THSD7B: variants seen among roughly 807,000 people sequenced by gnomAD.
The protein encoded by THSD7B is thrombospondin type 1 domain containing 7B, also known as thrombospondin type-1 domain-containing protein 7B.
Under a neutral mutation model 213.6 loss-of-function variants are expected in THSD7B, and 138 were observed. The ratio of observed to expected loss-of-function variants is 0.65; its 90% CI spans 0.56 to 0.74. THSD7B has a LOEUF of 0.74. Among genes scored for constraint, THSD7B ranks in the 30% least tolerant of loss-of-function variants. The pLI, the probability that THSD7B is intolerant of heterozygous loss-of-function variation, is 0.00. For missense variants in THSD7B, 1,931 were observed against 1,991.5 expected, an observed-to-expected ratio of 0.97 and a Z score of 0.58; for synonymous variants, 742 against 687.0, an observed-to-expected ratio of 1.08 and a Z score of -1.25.
intron 4 of THSD7B, among the ~76,000 whole-genome samples, chr2:137,108,403 A>G (rs1022663000): frequency 1.3e-5 from 2 of 152,192 alleles, no homozygotes; most frequent in Admixed American, 1.3e-4. Context: ...CTAATTTAGG[A>G]TGCCTCTACT....
chr2:137,280,397 A>T (rs972655568), intron 12 of THSD7B, among the ~76,000 whole-genome samples: 1 of 152,084 alleles, frequency 6.6e-6, no homozygotes, highest in African/African-American at 2.4e-5. Context: ...ATTTGAAAGG[A>T]TATTTTAGGA....
At chr2:137,441,078 C>T (rs189006050) in intron 14 of THSD7B, among the ~76,000 whole-genome samples, 164 of 152,222 alleles carry the variant, frequency 1.1e-3, no homozygotes, top group Admixed American at 2.5e-3. Flanking sequence ...CATGTCACAA[C>T]GAGCTAATTA....
chr2:137,031,236 A>C (rs1387753158), intron 2 of THSD7B, among the ~76,000 whole-genome samples: 2 of 152,088 alleles, frequency 1.3e-5, no homozygotes, highest in Non-Finnish European at 2.9e-5. Flanking sequence ...TCCCAGCTAC[A>C]TGGGAGGCTG....
intron 11 of THSD7B, 78 bp from the exon 12 acceptor site, chr2:137,275,845 A>T (rs1461189823): frequency 1.8e-6 from 2 of 1,096,994 alleles, no homozygotes; most frequent in Admixed American, 2.7e-5. Flanking sequence ...CTTTTTTTAA[A>T]CTTCAAACAT....
intron 1 of THSD7B, among the ~76,000 whole-genome samples, chr2:136,811,713 T>C (rs929613439): frequency 6.6e-6 from 1 of 152,184 alleles, no homozygotes; most frequent in African/African-American, 2.4e-5. Flanking sequence ...AAAATCTTTT[T>C]GAATTATTTT....
At chr2:137,173,474 G>A (rs180822178) in intron 7 of THSD7B, among the ~76,000 whole-genome samples, 6 of 152,270 alleles carry the variant, frequency 3.9e-5, no homozygotes, top group Admixed American at 2.0e-4. Context: ...ACAATCATCA[G>A]CTTTACTGTT....
intron 1 of THSD7B, among the ~76,000 whole-genome samples, chr2:136,810,937 G>A (rs1236957371): frequency 6.6e-6 from 1 of 152,188 alleles, no homozygotes; most frequent in Non-Finnish European, 1.5e-5. Flanking sequence ...TGAATGTGGG[G>A]TGGTAGATCC....
intron 7 of THSD7B, among the ~76,000 whole-genome samples, chr2:137,192,577 G>A (rs988439473): frequency 6.6e-6 from 1 of 152,048 alleles, no homozygotes; most frequent in Non-Finnish European, 1.5e-5. Flanking sequence ...GGAAAGCAAT[G>A]GGCATTTTTC....
At chr2:137,070,876 T>C (rs1413082627) in intron 3 of THSD7B, among the ~76,000 whole-genome samples, 1 of 152,216 alleles carries the variant, frequency 6.6e-6, no homozygotes, top group South Asian at 2.1e-4. Context: ...TCTATGTCCC[T>C]ACAAAGGACA....
At chr2:137,344,044 G>A (rs187039746) in intron 12 of THSD7B, among the ~76,000 whole-genome samples, 2 of 151,732 alleles carry the variant, frequency 1.3e-5, no homozygotes, top group South Asian at 2.1e-4. Flanking sequence ...CCAACACCTG[G>A]GCCACTGACC....
At chr2:137,316,039 A>G (rs1684089918) in intron 12 of THSD7B, among the ~76,000 whole-genome samples, 1 of 152,166 alleles carries the variant, frequency 6.6e-6, no homozygotes, top group African/African-American at 2.4e-5. Flanking sequence ...TCTTGGTATT[A>G]TGTGTGTTAG....
chr2:137,125,098 A>G (rs765739318), intron 5 of THSD7B, among the ~76,000 whole-genome samples: 31 of 152,224 alleles, frequency 2.0e-4, no homozygotes, highest in South Asian at 2.1e-4. Context: ...GGCATTTACA[A>G]TTTAGTTTTT....
intron 3 of THSD7B, among the ~76,000 whole-genome samples, chr2:137,070,099 T>C (rs979400726): frequency 6.6e-5 from 10 of 151,936 alleles, no homozygotes; most frequent in African/African-American, 1.7e-4. Context: ...ACTAATCCCA[T>C]GTCCTCTACT....
chr2:137,479,029 G>A (rs1688248816), intron 15 of THSD7B, among the ~76,000 whole-genome samples: 1 of 152,140 alleles, frequency 6.6e-6, no homozygotes, highest in African/African-American at 2.4e-5. Context: ...CTTATATTTG[G>A]GCGTCCACAT....
chr2:137,201,491 C>A (rs1380990826), intron 7 of THSD7B, among the ~76,000 whole-genome samples: 1 of 152,098 alleles, frequency 6.6e-6, no homozygotes, highest in East Asian at 1.9e-4. Context: ...GAGAAATCTC[C>A]ATAGTTTTTC....
intron 14 of THSD7B, among the ~76,000 whole-genome samples, chr2:137,447,416 T>A (rs1466218695): frequency 1.3e-5 from 2 of 152,184 alleles, no homozygotes; most frequent in African/African-American, 4.8e-5. Flanking sequence ...CCATGAGAGT[T>A]AATCCCACCT....
intron 2 of THSD7B, among the ~76,000 whole-genome samples, chr2:136,909,554 G>C (rs1476883717): frequency 6.6e-6 from 1 of 152,166 alleles, no homozygotes; most frequent in Non-Finnish European, 1.5e-5. Flanking sequence ...AGTGAGCAGA[G>C]AGGAATGAAT....
At chr2:137,517,131 A>G (rs1435857121) in intron 15 of THSD7B, among the ~76,000 whole-genome samples, 1 of 152,240 alleles carries the variant, frequency 6.6e-6, no homozygotes, top group Non-Finnish European at 1.5e-5. Context: ...ATTCCTGTCC[A>G]TAAGGCCAAC....
chr2:137,643,623 C>A (rs549884658), intron 21 of THSD7B, among the ~76,000 whole-genome samples: 1 of 152,246 alleles, frequency 6.6e-6, no homozygotes, highest in Admixed American at 6.5e-5. Flanking sequence ...AAGTATTCAG[C>A]AATATTTAAA....
Sources: gnomAD v4.1 joint callset for allele counts (sites outside exome capture counted in the v4.1 genomes callset) on GRCh38, gnomAD v4.1.1 for gene constraint, MANE v1.5 for transcripts, NCBI Gene and HGNC (gene_info 2026-07-23, HGNC 2026-07-21) for gene names.